The following TRAF6 variants were observed in gnomAD, a reference collection of about 807,000 sequenced individuals.
TRAF6 encodes the protein TNF receptor-associated factor 6.
TRAF6 carries 10 observed loss-of-function variants against 48.4 expected under a neutral mutation model. The observed-to-expected ratio is 0.21, with a 90% CI of 0.13 to 0.35. TRAF6 has a LOEUF of 0.35. Among genes scored for constraint, TRAF6 ranks in the 10% least tolerant of loss-of-function variants. The pLI is 1.00. For missense variants in TRAF6, 397 were observed against 661.0 expected, an observed-to-expected ratio of 0.60 and a Z score of 4.38; for synonymous variants, 186 against 219.6, an observed-to-expected ratio of 0.85 and a Z score of 1.35.
intron 5 of TRAF6, among the ~76,000 whole-genome samples, chr11:36,493,529 A>AT (rs1336764743): frequency 1.3e-5 from 2 of 152,224 alleles, no homozygotes; most frequent in African/African-American, 4.8e-5. Context: ...CTGTCTTTCA[A>AT]TAAAACTTTA....
chr11:36,491,489 T>C (rs1859562949), intron 6 of TRAF6, among the ~76,000 whole-genome samples: 2 of 152,180 alleles, frequency 1.3e-5, no homozygotes, highest in African/African-American at 4.8e-5. Context: ...TTTTAAATTA[T>C]TAAATGTATG....
rs997945929 is a variant in TRAF6 at position 36,484,186 on chromosome 11, G to A, written c.*5652C>T. ...TATGCGCTCCGTGCATGCTGATGGT[G>A]CAGGGAGTGGTGGAAGATGTGCCAC... is the stretch of plus-strand genomic sequence containing the variant. On this transcript the variant is annotated 3_prime_UTR_variant, in exon 7 of 7. Coordinates refer to ENST00000526995, the MANE Select transcript of TRAF6 (RefSeq NM_004620.4). Among the ~76,000 whole-genome samples the A allele has an allele frequency of 6.6e-6, 1 of 152,210 alleles. No homozygotes were observed. The highest frequency in any genetic ancestry group is 2.4e-5 in the African/African-American group (1 of 41,452).
intron 4 of TRAF6, among the ~76,000 whole-genome samples, chr11:36,495,458 TAGGACATG>T (rs1191830482): frequency 6.6e-6 from 1 of 152,202 alleles, no homozygotes; most frequent in African/African-American, 2.4e-5. Context: ...AATCTTTTAT[TAGGACATG>T]AGGATTTGGT....
rs1032254255 is a variant in TRAF6, at chr11:36,489,387, C to G, written c.*451G>C. 2 of 156,018 alleles carry G rather than the reference C, an allele frequency of 1.3e-5. No homozygotes were observed. Among genetic ancestry groups the G allele is most frequent in the Non-Finnish European group, 2.8e-5 (2 of 70,312 alleles). The allele number at this position is 156,018 out of a possible 1,614,324, so 9.7% of individuals were successfully genotyped here. ...AACTCAACTTTCTAGAGCAATAACT[C>G]TTCTCGAGGGCACTAGCACAAGGCG... On this transcript the variant is annotated 3_prime_UTR_variant, in exon 7 of 7. Coordinates refer to ENST00000526995, the MANE Select transcript of TRAF6 (RefSeq NM_004620.4).
chr11:36,507,750 C>T (rs1321414572), intron 1 of TRAF6, among the ~76,000 whole-genome samples: 4 of 134,276 alleles, frequency 3.0e-5, no homozygotes, highest in African/African-American at 8.5e-5. Flanking sequence ...CACATACATA[C>T]ATGTATTATA....
At chr11:36,499,842 G>T (rs145272824) in intron 2 of TRAF6, among the ~76,000 whole-genome samples, 1 of 152,248 alleles carries the variant, frequency 6.6e-6, no homozygotes, top group African/African-American at 2.4e-5. Flanking sequence ...GACTTATAAT[G>T]AATTCACTAA....
At chr11:36,509,820 G>A (rs1367595982) in intron 1 of TRAF6, among the ~76,000 whole-genome samples, 2 of 151,100 alleles carry the variant, frequency 1.3e-5, no homozygotes, top group African/African-American at 4.9e-5. Flanking sequence ...AGCGGGAAGC[G>A]AGAGGACAGG....
rs1859531320 is a variant in TRAF6 at position 36,489,446 on chromosome 11, A to C, written c.*392T>G. The C allele has an allele frequency of 1.1e-5, 2 of 190,254 alleles. No individual in the cohort carries two copies. Among genetic ancestry groups the C allele is most frequent in the South Asian group, 1.2e-4 (1 of 8,580 alleles). The allele number at this position is 190,254 out of a possible 1,614,324, so 11.8% of individuals were successfully genotyped here. ...TTTCACTTTTAATATATTACATATA[A>C]TACTACAAAAAGACTGAAGTTTTAA... On this transcript the variant is annotated 3_prime_UTR_variant, in exon 7 of 7. Transcript: ENST00000526995.
In TRAF6 at chr11:36,490,712, T is replaced by C. The variant is rs563655525; in HGVS notation, c.757-62A>G. The C allele has an allele frequency of 2.1e-5, 30 of 1,462,088 alleles. 1 individual carries two copies. The South Asian group carries it at 3.6e-4, about 18-fold the overall frequency. 90.6% of individuals were successfully genotyped at this position (1,462,088 alleles called of 1,614,324 possible). A position where few individuals can be genotyped will look rare whatever the true frequency, so the allele number is the denominator to read the frequency against. On this transcript the variant is annotated intron_variant, in intron 6 of 6. Transcript: ENST00000526995. This position sits in a 1 kb window ranked among gnomAD's most constrained non-coding sequence, Gnocchi z 6.4. The stretch of plus-strand genomic sequence containing the variant: ...TACCGTGAGGAGTAGGAAAAGGACC[T>C]GGCCAGGTCAAATAAGAAGTTTTCA...
At chr11:36,491,177 T>C (rs1859558510) in intron 6 of TRAF6, among the ~76,000 whole-genome samples, 1 of 152,154 alleles carries the variant, frequency 6.6e-6, no homozygotes, top group Non-Finnish European at 1.5e-5. Context: ...AAGAATATAG[T>C]CTACCTGTAT....
chr11:36,507,460 A>G lies in TRAF6; in HGVS notation c.-23+2588T>C, dbSNP rs868665405. Among the ~76,000 whole-genome samples, 56 of 7,686 alleles carry G rather than the reference A, an allele frequency of 7.3e-3. 23 individuals carry two copies. Among genetic ancestry groups the G allele is most frequent in the African/African-American group, 0.011 (56 of 5,314 alleles). The allele number at this position is 7,686 out of a possible 152,430, so 5.0% of individuals were successfully genotyped here. A position where few individuals can be genotyped will look rare whatever the true frequency, so the allele number is the denominator to read the frequency against. The stretch of plus-strand genomic sequence containing the variant: ...ATTATACATACATAAATGTATATAT[A>G]TATACATGTATTATACATACATAAA... On this transcript the variant is annotated intron_variant, in intron 1 of 6. Transcript: ENST00000526995.
In TRAF6 at chr11:36,485,177, G is replaced by A. The variant is rs1329993099; in HGVS notation, c.*4661C>T. Among the ~76,000 whole-genome samples, 6 of 152,092 alleles carry A rather than the reference G, an allele frequency of 3.9e-5. No homozygotes were observed. Among genetic ancestry groups the A allele is most frequent in the Admixed American group, 6.6e-5 (1 of 15,264 alleles). ...TACAAGTCTTTCAACATTTCTGCAT[G>A]TTTGGGAAATTTCATCAAGTGCTGA... is the stretch of plus-strand genomic sequence containing the variant. On this transcript the variant is annotated 3_prime_UTR_variant, in exon 7 of 7. Transcript: ENST00000526995.
At chr11:36,499,826 A>C (rs1301190270) in intron 2 of TRAF6, among the ~76,000 whole-genome samples, 1 of 152,228 alleles carries the variant, frequency 6.6e-6, no homozygotes, top group African/African-American at 2.4e-5. Flanking sequence ...ACAAATTGCC[A>C]GGACAGACTT....
At chr11:36,491,859 C>G (rs775203976) in intron 6 of TRAF6, among the ~76,000 whole-genome samples, 2 of 152,200 alleles carry the variant, frequency 1.3e-5, no homozygotes, top group Non-Finnish European at 2.9e-5. Flanking sequence ...TGTCAGTCAT[C>G]CCACCTGTTC....
In TRAF6 at chr11:36,490,408, G is replaced by A. The variant is rs139667746; in HGVS notation, c.999C>T (p.Thr333=). 1.6e-5 allele frequency: 26 copies of A among 1,613,986 alleles called. No individual in the cohort carries two copies. The African/African-American group carries it at 2.3e-4, about 14-fold the overall frequency. Residue 333 remains threonine, a synonymous_variant, in exon 7 of 7, where the codon ACC becomes ACT. Transcript: ENST00000526995. The surrounding 1 kb of genome is among the most constrained non-coding windows in gnomAD (Gnocchi z 6.4). Reference sequence around the variant, plus strand: ...CAACTTTGTCCTCAAGGGTTCGAATGGTTCGTTTGAGCTCACTTACATACA... The same window carrying A: ...CAACTTTGTCCTCAAGGGTTCGAATAGTTCGTTTGAGCTCACTTACATACA... ...QSMYVSELKR[T]IRTLEDKVAE...
At chr11:36,493,570 G>T (rs779269028) in intron 5 of TRAF6, among the ~76,000 whole-genome samples, 7 of 152,210 alleles carry the variant, frequency 4.6e-5, no homozygotes, top group Non-Finnish European at 1.0e-4. Flanking sequence ...GACAGATCTA[G>T]CTGGCAGGCC....
intron 1 of TRAF6, among the ~76,000 whole-genome samples, chr11:36,506,306 G>A (rs746863863): frequency 1.1e-4 from 17 of 152,064 alleles, no homozygotes; most frequent in Non-Finnish European, 2.5e-4. Flanking sequence ...GATAATGCTG[G>A]TTATCTAATA....
In TRAF6 at chr11:36,486,282, G is replaced by A. The variant is rs1410547618; in HGVS notation, c.*3556C>T. Among the ~76,000 whole-genome samples the A allele has an allele frequency of 2.6e-5, 4 of 152,052 alleles. No homozygotes were observed. Among genetic ancestry groups the A allele is most frequent in the African/African-American group, 9.7e-5 (4 of 41,372 alleles). ...TCGAACTCCTGGCTTCAAGTAATCC[G>A]CCAGCCTCCACCTCCCAAAGTGCTG... On this transcript the variant is annotated 3_prime_UTR_variant, in exon 7 of 7. Coordinates refer to ENST00000526995, the MANE Select transcript of TRAF6 (RefSeq NM_004620.4).
Position 36,490,214 on chromosome 11 carries a change from G to A in TRAF6, c.1193C>T (p.Pro398Leu). The A allele has an allele frequency of 1.2e-6, 2 of 1,614,126 alleles. No individual in the cohort carries two copies. Among genetic ancestry groups the A allele is most frequent in the Non-Finnish European group, 1.7e-6 (2 of 1,180,028 alleles). Residue 398 changes from proline to leucine, a missense_variant, in exon 7 of 7, where the codon CCG becomes CTG. Physicochemically the swap from Pro to Leu is moderately conservative, Grantham distance 98. Coordinates refer to ENST00000526995, the MANE Select transcript of TRAF6 (RefSeq NM_004620.4). This position sits in a 1 kb window ranked among gnomAD's most constrained non-coding sequence, Gnocchi z 6.4. The part of the protein sequence containing the change: ...KLCMRLHLQL[P>L]TAQRCANYIS... ...ATAGTTTGCACAGCGCTGAGCAGTCGGTAACTGAAGGTGCAAGCGCATGCA... is the reference window on the plus strand; with the variant it reads ...ATAGTTTGCACAGCGCTGAGCAGTCAGTAACTGAAGGTGCAAGCGCATGCA...
Sources: gnomAD v4.1 joint callset for allele counts (sites outside exome capture counted in the v4.1 genomes callset) on GRCh38, gnomAD v4.1.1 for gene constraint, Gnocchi (gnomAD v3.1) non-coding constraint, MANE v1.5 for transcripts, NCBI Gene and HGNC (gene_info 2026-07-23, HGNC 2026-07-21) for gene names.